The following ZMYM5 variants were observed in gnomAD, a reference collection of about 807,000 sequenced individuals.
The protein encoded by ZMYM5 is zinc finger MYM-type containing 5, also known as zinc finger MYM-type protein 5.
Under a neutral mutation model 61.8 loss-of-function variants are expected in ZMYM5, and 41 were observed. The ratio of observed to expected loss-of-function variants is 0.66; its 90% confidence interval spans 0.52 to 0.86. The LOEUF is 0.86. Ranked by LOEUF, ZMYM5 falls within the 40% of genes least tolerant of loss-of-function variation. ZMYM5 has a pLI of 0.00. For synonymous variants in ZMYM5, 257 were observed against 276.4 expected (o/e 0.93, Z 0.70); for missense variants, 706 against 786.7 (o/e 0.90, Z 1.23).
chr13:19,846,411 T>C (rs1953072934), intron 4 of ZMYM5, among the ~76,000 whole-genome samples: 1 of 152,150 alleles, frequency 6.6e-6, no homozygotes, highest in African/African-American at 2.4e-5. Context: ...TTCTTAAAAA[T>C]AACTCAAAAG....
chr13:19,857,416 C>A (rs1953555293), intron 2 of ZMYM5, among the ~76,000 whole-genome samples: 2 of 152,186 alleles, frequency 1.3e-5, no homozygotes, highest in South Asian at 4.1e-4. Flanking sequence ...TTCTTGTAGA[C>A]TACTTTCAGA....
intron 2 of ZMYM5, among the ~76,000 whole-genome samples, chr13:19,854,424 A>G (rs529390132): frequency 6.6e-6 from 1 of 152,260 alleles, no homozygotes; most frequent in East Asian, 1.9e-4. Flanking sequence ...CAGGAGTTTG[A>G]GATCAGCCTG....
intron 4 of ZMYM5, among the ~76,000 whole-genome samples, chr13:19,848,102 CTG>C (rs1861741542): frequency 6.6e-6 from 1 of 152,036 alleles, no homozygotes; most frequent in African/African-American, 2.4e-5. Context: ...TCCCAAGTAG[CTG>C]TGACTGCAGG....
chr13:19,828,009 A>G (rs1390772687), intron 7 of ZMYM5, among the ~76,000 whole-genome samples: 11 of 107,806 alleles, frequency 1.0e-4, no homozygotes, highest in Non-Finnish European at 2.0e-4. Context: ...ACAGAGCGAG[A>G]CTCCATCTCA....
Position 19,851,805 on chromosome 13 carries a change from C to T in ZMYM5, c.376G>A (p.Glu126Lys). ...TIVIDDEEDIETNGGAEKKSS... is the reference protein window; with the variant it reads ...TIVIDDEEDIKTNGGAEKKSS... ...TTTTTCTCTGCTCCTCCATTTGTTT[C>T]TATGTCCTCTTCATCATCAATAACA... Residue 126 changes from glutamate (E) to lysine (K), a missense_variant, in exon 3 of 8, where the codon GAA (glutamate) becomes AAA (lysine). Around this residue, in one of 2 missense-constraint regions of ZMYM5, gnomAD observed 480 missense variants for 461.7 expected, o/e 1.04. Transcript: ENST00000337963. The T allele has an allele frequency of 6.2e-7, 1 of 1,612,722 alleles. No homozygotes were observed. Among genetic ancestry groups the T allele is most frequent in the Non-Finnish European group, 8.5e-7 (1 of 1,179,744 alleles).
intron 7 of ZMYM5, among the ~76,000 whole-genome samples, chr13:19,835,023 G>A (rs1021165013): frequency 6.8e-6 from 1 of 147,426 alleles, no homozygotes; most frequent in Non-Finnish European, 1.5e-5. Context: ...ACAGGCTTTC[G>A]CTCTGTTGCC....
chr13:19,825,617 A>G (rs990530038), intron 7 of ZMYM5, among the ~76,000 whole-genome samples: 6 of 151,834 alleles, frequency 4.0e-5, no homozygotes, highest in Non-Finnish European at 7.4e-5. Flanking sequence ...ACTGCACTCC[A>G]GTCTGGGCGA....
At chr13:19,858,216 CAAAA>C (rs1459459125) in intron 2 of ZMYM5, among the ~76,000 whole-genome samples, 1 of 147,702 alleles carries the variant, frequency 6.8e-6, no homozygotes, top group Non-Finnish European at 1.5e-5. Context: ...AAAAAAAAAA[CAAAA>C]AAACCACAAA....
In ZMYM5 at chr13:19,838,726, T is replaced by C; in HGVS notation, c.846A>G (p.Gln282=). ...CLSSFSHKRT[Q]NTRSIICKKD... ...TTTTACATATTATGCTTCGTGTGTT[T>C]TGAGTACGTTTATGAGAGAAGGAAG... Residue 282 remains glutamine, a synonymous_variant, in exon 5 of 8, where the codon CAA becomes CAG. Transcript: ENST00000337963. 2 of 1,614,210 alleles carry C rather than the reference T, an allele frequency of 1.2e-6. No homozygotes were observed. Among genetic ancestry groups the C allele is most frequent in the Non-Finnish European group, 1.7e-6 (2 of 1,180,034 alleles).
chr13:19,835,532 A>G lies in ZMYM5; in HGVS notation c.1196T>C (p.Ile399Thr). 7.3e-7 allele frequency: 1 copy of G among 1,367,666 alleles called. No homozygotes were observed. The highest frequency in any genetic ancestry group is 9.8e-7 in the Non-Finnish European group (1 of 1,021,848). 84.7% of individuals were successfully genotyped at this position (1,367,666 alleles called of 1,614,324 possible). A position where few individuals can be genotyped will look rare whatever the true frequency, so the allele number is the denominator to read the frequency against. Residue 399 changes from isoleucine to threonine, a missense_variant, in exon 7 of 8, where the codon ATT becomes ACT. Coordinates refer to ENST00000337963, the MANE Select transcript of ZMYM5 (RefSeq NM_001142684.2). ...GCAAAATCTCTTCTGCTGACCTCCA[A>G]TCACCAGGATGTTGTTTCCAGTACT... The part of the protein sequence containing the change: ...SKSTGNNILV[I>T]GGQQKRFCCQ...
At chr13:19,826,397 T>C (rs866793162) in intron 7 of ZMYM5, among the ~76,000 whole-genome samples, 1 of 151,800 alleles carries the variant, frequency 6.6e-6, no homozygotes, top group African/African-American at 2.4e-5. Flanking sequence ...TGTCAAAATT[T>C]AAACAGAGTT....
chr13:19,831,186 T>A (rs1023004385), intron 7 of ZMYM5, among the ~76,000 whole-genome samples: 5 of 150,736 alleles, frequency 3.3e-5, no homozygotes, highest in African/African-American at 1.2e-4. Flanking sequence ...GAGTGCAATG[T>A]CATAATCACA....
chr13:19,847,138 G>A (rs1435269958), intron 4 of ZMYM5, among the ~76,000 whole-genome samples: 1 of 151,942 alleles, frequency 6.6e-6, no homozygotes, highest in African/African-American at 2.4e-5. Flanking sequence ...TAATAGAGAT[G>A]GGGTTTTGTC....
intron 4 of ZMYM5, among the ~76,000 whole-genome samples, chr13:19,840,067 T>TGCTGGGATTACAGGCCTG (rs1952814207): frequency 6.6e-6 from 1 of 152,244 alleles, no homozygotes; most frequent in African/African-American, 2.4e-5. Context: ...TCTGCATTTC[T>TGCTGGGATTACAGGCCTG]AACCAACTCT....
At chr13:19,853,591 C>A (rs73168974) in intron 2 of ZMYM5, among the ~76,000 whole-genome samples, 5,149 of 151,114 alleles carry the variant, frequency 0.034, 107 homozygotes, top group Middle Eastern at 0.079. Flanking sequence ...CCACAACAGG[C>A]GTGGCCTCAG....
chr13:19,858,770 T>C lies in ZMYM5; in HGVS notation c.-11+3629A>G, dbSNP rs557581542. On this transcript the variant is annotated intron_variant, in intron 2 of 7. Coordinates refer to ENST00000337963, the MANE Select transcript of ZMYM5 (RefSeq NM_001142684.2). ...AACTGCCAACCTGAGATAGCCAGAG[T>C]CTAAAACAGTGAATAAAAAGCCAAG... 6.6e-4 allele frequency among the ~76,000 whole-genome samples: 100 copies of C among 151,602 alleles called. 2 individuals carry two copies. In the South Asian group the frequency reaches 0.02, roughly 31 times the overall value.
chr13:19,856,326 T>A (rs1478524713), intron 2 of ZMYM5, among the ~76,000 whole-genome samples: 2 of 152,022 alleles, frequency 1.3e-5, no homozygotes, highest in African/African-American at 4.8e-5. Context: ...TATGGCCTGG[T>A]CCATATCAGA....
intron 7 of ZMYM5, among the ~76,000 whole-genome samples, chr13:19,827,497 T>C (rs1014727331): frequency 6.6e-6 from 1 of 152,192 alleles, no homozygotes; most frequent in African/African-American, 2.4e-5. Context: ...AAAAAGCAGC[T>C]CCTTGCTCAA....
chr13:19,843,357 A>G (rs1218061815), intron 4 of ZMYM5: 2 of 103,158 alleles, frequency 1.9e-5, no homozygotes, highest in African/African-American at 3.7e-5. Flanking sequence ...AGATTGCGCC[A>G]CTGCACTCCA....
Sources: gnomAD v4.1 joint callset for allele counts (sites outside exome capture counted in the v4.1 genomes callset) on GRCh38, gnomAD v4.1.1 for gene constraint, gnomAD v4.1.1 regional missense constraint, MANE v1.5 for transcripts, NCBI Gene and HGNC (gene_info 2026-07-23, HGNC 2026-07-21) for gene names.